Variants in DEFB131B observed in about 807,000 individuals in gnomAD.
DEFB131B encodes defensin beta 131B, also known as beta-defensin 131B.
A neutral mutation model predicts 2.1 loss-of-function variants in DEFB131B; 2 were observed. The ratio of observed to expected loss-of-function variants is 0.94; its 90% CI spans 0.38 to 2.95. DEFB131B has a LOEUF of 2.95. Among genes scored for constraint, DEFB131B ranks in the 30% most tolerant of loss-of-function variants. The pLI, the probability that DEFB131B is intolerant of heterozygous loss-of-function variation, is 0.09. For missense variants in DEFB131B, 77 were observed against 78.5 expected (o/e 0.98, Z 0.07); for synonymous variants, 26 against 25.8 (o/e 1.01, Z -0.03).
chr11:71,884,039 C>G (rs572065982), intron 1 of DEFB131B, among the ~76,000 whole-genome samples: 1 of 152,234 alleles, frequency 6.6e-6, no homozygotes, highest in South Asian at 2.1e-4. Flanking sequence ...TCCACTTACA[C>G]TAGATTCCAT....
chr11:71,878,755 G>C (rs1280077853), intron 1 of DEFB131B, among the ~76,000 whole-genome samples: 9 of 152,038 alleles, frequency 5.9e-5, no homozygotes, highest in East Asian at 1.9e-4. Context: ...AGCATTTGGG[G>C]AGTTTGAGGT....
chr11:71,883,727 A>T (rs1952592922), intron 1 of DEFB131B, among the ~76,000 whole-genome samples: 2 of 152,058 alleles, frequency 1.3e-5, no homozygotes, highest in South Asian at 4.1e-4. Context: ...TTTGGGAAGG[A>T]TTGGTATGTT....
intron 1 of DEFB131B, 142 bp from the exon 2 acceptor site, chr11:71,884,265 T>A: frequency 3.0e-6 from 3 of 1,009,312 alleles, no homozygotes; most frequent in Non-Finnish European, 4.1e-6. Context: ...ATCTCCACTT[T>A]TTCTCTTGCA....
chr11:71,881,200 A>C (rs1028910244), intron 1 of DEFB131B, among the ~76,000 whole-genome samples: 1 of 152,234 alleles, frequency 6.6e-6, no homozygotes, highest in Non-Finnish European at 1.5e-5. Flanking sequence ...TACTGGGTAC[A>C]TATATATACA....
At chr11:71,878,829 A>G (rs1952541561) in intron 1 of DEFB131B, among the ~76,000 whole-genome samples, 1 of 126,792 alleles carries the variant, frequency 7.9e-6, no homozygotes, top group African/African-American at 3.4e-5. Flanking sequence ...CATCTCTACA[A>G]AAAAAAAAAA....
chr11:71,884,516 C>T lies in DEFB131B; in HGVS notation c.168C>T (p.Cys56=), dbSNP rs1316682799. 5.0e-6 allele frequency: 8 copies of T among 1,609,284 alleles called. No individual in the cohort carries two copies. The highest frequency in any genetic ancestry group is 6.8e-6 in the Non-Finnish European group (8 of 1,178,284). Residue 56 remains cysteine (C), a synonymous_variant, in exon 2 of 2, where the codon TGC becomes TGT. Transcript: ENST00000530210. Reference sequence around the variant, plus strand: ...GATACTGTGCTGACTTCAGCATCTGCTGCAAACTGAAGATCATTCAAATTG... The same window carrying T: ...GATACTGTGCTGACTTCAGCATCTGTTGCAAACTGAAGATCATTCAAATTG... ...AIRYCADFSI[C]CKLKIIQIDG... is the part of the protein sequence containing the mutation.
Position 71,884,382 on chromosome 11 carries a change from T to C in DEFB131B, c.59-25T>C, listed in dbSNP as rs766417278. On this transcript the variant is annotated intron_variant, in intron 1 of 1. Coordinates refer to ENST00000530210, the MANE Select transcript of DEFB131B (RefSeq NM_001242853.1). The stretch of plus-strand genomic sequence containing the variant: ...ATAAAAAGTAAGTAATATTGTGTCA[T>C]ATAATTTGTCTTCTCTTTTTAAAGC... The C allele has an allele frequency of 7.1e-6, 11 of 1,556,970 alleles. No individual in the cohort carries two copies. The East Asian group carries it at 1.6e-4, about 23-fold the overall frequency.
intron 1 of DEFB131B, among the ~76,000 whole-genome samples, chr11:71,878,777 G>A (rs1952540701): frequency 6.6e-6 from 1 of 151,934 alleles, no homozygotes; most frequent in African/African-American, 2.4e-5. Context: ...GGTGAGCTTG[G>A]GAGTTCTAGA....
intron 1 of DEFB131B, among the ~76,000 whole-genome samples, chr11:71,880,492 A>C (rs1177110573): frequency 6.6e-6 from 1 of 152,050 alleles, no homozygotes; most frequent in African/African-American, 2.4e-5. Context: ...AATTCTTTGA[A>C]TTTTTTAAAT....
intron 1 of DEFB131B, among the ~76,000 whole-genome samples, chr11:71,879,973 TACTC>T (rs1249665065): frequency 6.6e-6 from 1 of 152,192 alleles, no homozygotes; most frequent in Non-Finnish European, 1.5e-5. Flanking sequence ...AATCCACTGA[TACTC>T]ACTAAATGGA....
chr11:71,878,570 G>A, intron 1 of DEFB131B, 60 bp downstream of exon 1: 1 of 1,554,652 alleles, frequency 6.4e-7, no homozygotes, highest in Middle Eastern at 2.3e-4. Flanking sequence ...AAAATGCAAG[G>A]TCTTTCAAGA....
chr11:71,879,522 A>G (rs1057311237), intron 1 of DEFB131B, among the ~76,000 whole-genome samples: 2 of 152,222 alleles, frequency 1.3e-5, no homozygotes, highest in African/African-American at 4.8e-5. Context: ...CCTCATTTAT[A>G]TAATACTTCA....
intron 1 of DEFB131B, 75 bp downstream of exon 1, chr11:71,878,585 G>T: frequency 1.3e-6 from 2 of 1,505,622 alleles, no homozygotes; most frequent in South Asian, 2.4e-5. Context: ...TCAAGAGTCT[G>T]AAAATAAATT....
In DEFB131B at chr11:71,884,406, G is replaced by A; in HGVS notation, c.59-1G>A. 6.3e-7 allele frequency: 1 copy of A among 1,579,224 alleles called. No individual in the cohort carries two copies. The highest frequency in any genetic ancestry group is 8.6e-7 in the Non-Finnish European group (1 of 1,163,028). ...ATATAATTTGTCTTCTCTTTTTAAA[G>A]CCAGAAGCTTCACTTCTAATGATGA... On this transcript the variant is annotated splice_acceptor_variant, in intron 1 of 1. Transcript: ENST00000530210. LOFTEE classifies it high-confidence loss of function.
At chr11:71,879,374 T>G (rs1952545939) in intron 1 of DEFB131B, among the ~76,000 whole-genome samples, 1 of 152,170 alleles carries the variant, frequency 6.6e-6, no homozygotes, top group Admixed American at 6.5e-5. Context: ...AATATGACTT[T>G]CCCAAATTAA....
chr11:71,879,916 G>A (rs575778116), intron 1 of DEFB131B, among the ~76,000 whole-genome samples: 140 of 152,066 alleles, frequency 9.2e-4, no homozygotes, highest in Non-Finnish European at 1.7e-3. Context: ...GCATAGATTC[G>A]TACTTCATTC....
chr11:71,882,382 C>T (rs1952573106), intron 1 of DEFB131B, among the ~76,000 whole-genome samples: 1 of 152,096 alleles, frequency 6.6e-6, no homozygotes, highest in Non-Finnish European at 1.5e-5. Context: ...CAGCCAGCCA[C>T]CACCACGCCT....
At chr11:71,884,060 T>A (rs1044730856) in intron 1 of DEFB131B, among the ~76,000 whole-genome samples, 19 of 152,200 alleles carry the variant, frequency 1.2e-4, no homozygotes, top group African/African-American at 3.9e-4. Flanking sequence ...CCCCAATGAC[T>A]TTTTTAAGAA....
intron 1 of DEFB131B, among the ~76,000 whole-genome samples, chr11:71,880,825 A>T (rs1452049177): frequency 1.3e-5 from 2 of 152,186 alleles, no homozygotes; most frequent in Admixed American, 1.3e-4. Context: ...TAGTTTCCAA[A>T]GTTCTTCCTA....
Sources: gnomAD v4.1 joint callset for allele counts (sites outside exome capture counted in the v4.1 genomes callset) on GRCh38, gnomAD v4.1.1 for gene constraint, MANE v1.5 for transcripts, NCBI Gene and HGNC (gene_info 2026-07-23, HGNC 2026-07-21) for gene names.